Variants in PDCD10 observed in about 807,000 individuals in gnomAD.
PDCD10 encodes the protein programmed cell death protein 10.
A neutral mutation model predicts 29.2 loss-of-function variants in PDCD10; 4 were observed. The ratio of observed to expected loss-of-function variants is 0.14; its 90% confidence interval spans 0.07 to 0.31. PDCD10 has a LOEUF of 0.31. PDCD10 is among the 10% of genes least tolerant of loss of function. The pLI is 1.00. For synonymous variants in PDCD10, 70 were observed against 82.2 expected, an observed-to-expected ratio of 0.85 and a Z score of 0.80; for missense variants, 183 against 257.9, an observed-to-expected ratio of 0.71 and a Z score of 1.99.
At chr3:167,730,356 T>C (rs1184932309) in intron 2 of PDCD10, among the ~76,000 whole-genome samples, 1 of 152,174 alleles carries the variant, frequency 6.6e-6, no homozygotes, top group Non-Finnish European at 1.5e-5. Flanking sequence ...ACTTATCATG[T>C]AAGTGGCTTA....
At chr3:167,686,317 C>T (rs1719623659) in intron 8 of PDCD10, among the ~76,000 whole-genome samples, 1 of 152,078 alleles carries the variant, frequency 6.6e-6, no homozygotes, top group Non-Finnish European at 1.5e-5. Context: ...AAATAATGTC[C>T]AATTTACATT....
intron 4 of PDCD10, among the ~76,000 whole-genome samples, chr3:167,701,886 T>C (rs1332929475): frequency 1.3e-5 from 2 of 151,824 alleles, no homozygotes; most frequent in East Asian, 1.9e-4. Context: ...ATGAAAGAGA[T>C]TGTAGATATG....
intron 2 of PDCD10, among the ~76,000 whole-genome samples, chr3:167,729,593 C>T (rs1209118846): frequency 2.0e-5 from 3 of 152,096 alleles, no homozygotes; most frequent in Non-Finnish European, 4.4e-5. Context: ...GTGCCTCTAC[C>T]TCGAAGGGTT....
At chr3:167,707,173 C>A (rs1722058068) in intron 3 of PDCD10, among the ~76,000 whole-genome samples, 1 of 152,208 alleles carries the variant, frequency 6.6e-6, no homozygotes, top group South Asian at 2.1e-4. Context: ...GGGATTTGAA[C>A]TGATCTTTAA....
intron 2 of PDCD10, among the ~76,000 whole-genome samples, chr3:167,722,330 T>G (rs1723656158): frequency 6.6e-6 from 1 of 152,068 alleles, no homozygotes; most frequent in South Asian, 2.1e-4. Context: ...GACAAGACAG[T>G]CTCTGACCCC....
intron 2 of PDCD10, among the ~76,000 whole-genome samples, chr3:167,721,796 T>C (rs1037215962): frequency 1.3e-5 from 2 of 152,170 alleles, no homozygotes; most frequent in African/African-American, 4.8e-5. Context: ...TTTCATTCTA[T>C]GGGGAAAAAG....
intron 3 of PDCD10, among the ~76,000 whole-genome samples, chr3:167,708,680 G>A (rs1382932743): frequency 6.6e-6 from 1 of 152,172 alleles, no homozygotes; most frequent in Non-Finnish European, 1.5e-5. Flanking sequence ...CTGTCACAGA[G>A]AAAGATTTGT....
chr3:167,718,432 ACAGCTGCCAAAGAGGGACAT>A (rs1167331478), intron 3 of PDCD10, among the ~76,000 whole-genome samples: 1 of 152,106 alleles, frequency 6.6e-6, no homozygotes, highest in Non-Finnish European at 1.5e-5. Context: ...GGTGTTGGCT[ACAGCTGCCAAAGAGGGACAT>A]AACCAGACCT....
intron 4 of PDCD10, among the ~76,000 whole-genome samples, chr3:167,703,581 A>G (rs1055891855): frequency 1.9e-4 from 29 of 152,164 alleles, no homozygotes; most frequent in Non-Finnish European, 2.9e-5. Context: ...TTAAACATTA[A>G]AATACTTTAC....
At chr3:167,702,088 T>C (rs1307659685) in intron 4 of PDCD10, among the ~76,000 whole-genome samples, 1 of 152,170 alleles carries the variant, frequency 6.6e-6, no homozygotes, top group Admixed American at 6.6e-5. Context: ...GCACTGAAAC[T>C]AAAGCAAATG....
At chr3:167,698,054 C>CA in intron 4 of PDCD10, 1 of 453,988 alleles carries the variant, frequency 2.2e-6, no homozygotes, top group Non-Finnish European at 4.4e-6. Context: ...CCTTATGTGT[C>CA]AAGCACACTT....
chr3:167,686,195 G>A lies in PDCD10; in HGVS notation c.557+1039C>T, dbSNP rs533405696. On this transcript the variant is annotated intron_variant, in intron 8 of 8. Coordinates refer to ENST00000392750, the MANE Select transcript of PDCD10 (RefSeq NM_007217.4). ...TTGAAGTGCAAATAACTACCTATAC[G>A]GCCAGACTTTCCATCAGTTTATACA... Among the ~76,000 whole-genome samples, 4 of 152,030 alleles carry A rather than the reference G, an allele frequency of 2.6e-5. No homozygotes were observed. In the East Asian group the frequency reaches 5.8e-4, roughly 22 times the overall value.
chr3:167,695,087 A>C (rs1412013413), intron 6 of PDCD10, among the ~76,000 whole-genome samples: 2 of 152,068 alleles, frequency 1.3e-5, no homozygotes, highest in Non-Finnish European at 2.9e-5. Context: ...CTCTAGGATG[A>C]CCCTTCTTGC....
chr3:167,717,099 T>C (rs1036515934), intron 3 of PDCD10, among the ~76,000 whole-genome samples: 5 of 152,022 alleles, frequency 3.3e-5, no homozygotes, highest in African/African-American at 4.8e-5. Context: ...AAACTTGGAC[T>C]CTGAACTCCA....
intron 2 of PDCD10, among the ~76,000 whole-genome samples, chr3:167,728,414 C>T (rs142977244): frequency 3.5e-4 from 53 of 152,264 alleles, no homozygotes; most frequent in Admixed American, 8.5e-4. Context: ...CGGTGTGTAA[C>T]ATCTTAGGGT....
chr3:167,697,001 T>C lies in PDCD10; in HGVS notation c.268+8A>G, dbSNP rs747262170. 2 of 1,363,750 alleles carry C rather than the reference T, an allele frequency of 1.5e-6. No homozygotes were observed. Among genetic ancestry groups the C allele is most frequent in the South Asian group, 2.3e-5 (2 of 86,018 alleles). 84.5% of individuals were successfully genotyped at this position (1,363,750 alleles called of 1,614,324 possible). A position where few individuals can be genotyped will look rare whatever the true frequency, so the allele number is the denominator to read the frequency against. The stretch of plus-strand genomic sequence containing the variant: ...GTATAACTTAAACAAGGTTCTTCTG[T>C]CCGTTACCTTCTACATCATCAGCTG... On this transcript the variant is annotated splice_region_variant and intron_variant, in intron 5 of 8. Coordinates refer to ENST00000392750, the MANE Select transcript of PDCD10 (RefSeq NM_007217.4).
chr3:167,686,660 A>G (rs1176739812), intron 8 of PDCD10, among the ~76,000 whole-genome samples: 4 of 152,172 alleles, frequency 2.6e-5, no homozygotes, highest in Non-Finnish European at 5.9e-5. Context: ...AGACCTACGA[A>G]ATCAGAAATT....
At position 167,698,319 on chromosome 3, in the gene PDCD10, C is replaced by T. The variant is rs34149653; in HGVS notation, c.151-1193G>A. Among the ~76,000 whole-genome samples the T allele has an allele frequency of 9.9e-3, 1,507 of 152,204 alleles. 11 individuals carry two copies. The highest frequency in any genetic ancestry group is 0.021 in the Middle Eastern group (6 of 292). On this transcript the variant is annotated intron_variant, in intron 4 of 8. Coordinates refer to ENST00000392750, the MANE Select transcript of PDCD10 (RefSeq NM_007217.4). The stretch of plus-strand genomic sequence containing the variant: ...AACAATAAACTGTGTTTGACTGAAT[C>T]CTGTTTCTTTTACAGCCTATGTTGA...
chr3:167,708,353 TTTG>T (rs199841699), intron 3 of PDCD10, among the ~76,000 whole-genome samples: 12 of 152,044 alleles, frequency 7.9e-5, no homozygotes, highest in East Asian at 1.9e-4. Flanking sequence ...AGCTGTGTGT[TTTG>T]TTGTTGTTGT....
Sources: allele counts gnomAD v4.1 joint callset (sites outside exome capture counted in the v4.1 genomes callset), GRCh38; gene constraint gnomAD v4.1.1; transcripts MANE v1.5; gene names NCBI Gene and HGNC (gene_info 2026-07-23, HGNC 2026-07-21).